Variants in TMEM245 observed in about 807,000 individuals in gnomAD.
The protein encoded by TMEM245 is transmembrane protein 245.
In TMEM245, 69 loss-of-function variants were observed where a neutral mutation model predicts 101.2. The observed-to-expected ratio is 0.68, with a 90% confidence interval of 0.56 to 0.83. The LOEUF is 0.83. TMEM245 is among the 40% of genes least tolerant of loss of function. The pLI is 0.00. For missense variants in TMEM245, 1,075 were observed against 1,092.8 expected (o/e 0.98, Z 0.23); for synonymous variants, 537 against 449.8 (o/e 1.19, Z -2.45).
intron 4 of TMEM245, among the ~76,000 whole-genome samples, chr9:109,092,719 G>A (rs1830040091): frequency 6.6e-6 from 1 of 152,156 alleles, no homozygotes; most frequent in African/African-American, 2.4e-5. Flanking sequence ...AAATACCTCT[G>A]GCACTAATGG....
At chr9:109,049,504 G>A (rs751928805) in intron 14 of TMEM245, among the ~76,000 whole-genome samples, 7 of 151,402 alleles carry the variant, frequency 4.6e-5, no homozygotes, top group East Asian at 2.0e-4. Flanking sequence ...GTGAGCCACC[G>A]CGCCCAGTCT....
At position 109,087,245 on chromosome 9, in the gene TMEM245, C is replaced by A; in HGVS notation, c.1248G>T (p.Lys416Asn). 1 of 1,613,948 alleles carries A rather than the reference C, an allele frequency of 6.2e-7. No homozygotes were observed. Among genetic ancestry groups the A allele is most frequent in the Non-Finnish European group, 8.5e-7 (1 of 1,179,926 alleles). ...VWWGIIESFL[K>N]ERQGALAPWP... ...AAGGCGCGAGAGCTCCCTGCCGCTC[C>A]TTCAGGAAGCTTTCTATAATGCCCC... The change falls in exon 6 of 18, where the codon AAG (lysine) becomes AAT (asparagine). Residue 416 changes from lysine (K) to asparagine (N), a missense_variant. Lys to Asn is a moderately conservative substitution (Grantham distance 94). Coordinates refer to ENST00000374586, the MANE Select transcript of TMEM245 (RefSeq NM_032012.4).
At chr9:109,080,202 T>C (rs1829627280) in intron 8 of TMEM245, among the ~76,000 whole-genome samples, 1 of 152,090 alleles carries the variant, frequency 6.6e-6, no homozygotes, top group South Asian at 2.1e-4. Flanking sequence ...AAATCTGGGT[T>C]GTGGAGTTCA....
intron 14 of TMEM245, among the ~76,000 whole-genome samples, chr9:109,041,518 C>A (rs1828307755): frequency 8.2e-6 from 1 of 122,340 alleles, no homozygotes; most frequent in Admixed American, 1.1e-4. Context: ...GGCTGGAGTG[C>A]AATGGTGCAA....
At chr9:109,087,481 G>C in intron 5 of TMEM245, 139 bp from the exon 6 acceptor site, 3 of 907,318 alleles carry the variant, frequency 3.3e-6, no homozygotes, top group Non-Finnish European at 4.7e-6. Context: ...AAAAAGCAGG[G>C]TGGGACTCAA....
chr9:109,077,249 C>T (rs1282424787), intron 8 of TMEM245, among the ~76,000 whole-genome samples: 2 of 152,078 alleles, frequency 1.3e-5, no homozygotes, highest in African/African-American at 4.8e-5. Context: ...CTCCCGGGAT[C>T]AAGCAATCCT....
intron 10 of TMEM245, 98 bp downstream of exon 10, chr9:109,064,379 T>C (rs1286348498): frequency 1.9e-6 from 2 of 1,052,828 alleles, no homozygotes; most frequent in Admixed American, 2.2e-5. Context: ...TATTTACTGC[T>C]GTGAATAGCA....
chr9:109,022,533 A>C (rs966777563), intron 17 of TMEM245, among the ~76,000 whole-genome samples: 1 of 149,010 alleles, frequency 6.7e-6, no homozygotes, highest in Admixed American at 6.8e-5. Flanking sequence ...TCAATCTTGA[A>C]ATTTTTCTGC....
intron 3 of TMEM245, among the ~76,000 whole-genome samples, chr9:109,100,783 TTC>T (rs576395335): frequency 1.2e-3 from 186 of 152,350 alleles, no homozygotes; most frequent in Middle Eastern, 3.4e-3. Flanking sequence ...TTTGTTTGAG[TTC>T]TGTTTTGTTT....
intron 14 of TMEM245, among the ~76,000 whole-genome samples, chr9:109,044,469 C>T (rs981363718): frequency 6.6e-6 from 1 of 152,146 alleles, no homozygotes; most frequent in Non-Finnish European, 1.5e-5. Context: ...GCCTCCTCCA[C>T]ATTTCCTTAC....
rs1208126994 is a variant in TMEM245, at chr9:109,033,292, T to C, written c.2594+15A>G. On this transcript the variant is annotated intron_variant, in intron 17 of 17. Coordinates refer to ENST00000374586, the MANE Select transcript of TMEM245 (RefSeq NM_032012.4). Reference sequence around the variant, plus strand: ...ATGTATAAATACAGCTTATGATTATTCTGCTTTAACTCACCGCTGAGGCTG... The same window carrying C: ...ATGTATAAATACAGCTTATGATTATCCTGCTTTAACTCACCGCTGAGGCTG... The C allele has an allele frequency of 2.5e-6, 4 of 1,580,398 alleles. No homozygotes were observed. Among genetic ancestry groups the C allele is most frequent in the South Asian group, 2.4e-5 (2 of 84,682 alleles).
At chr9:109,029,670 T>A (rs1342084517) in intron 17 of TMEM245, among the ~76,000 whole-genome samples, 1 of 152,094 alleles carries the variant, frequency 6.6e-6, no homozygotes, top group African/African-American at 2.4e-5. Context: ...GAAAGAAAAT[T>A]ATATAGGGTA....
intron 17 of TMEM245, among the ~76,000 whole-genome samples, chr9:109,023,119 A>C (rs1827680878): frequency 6.6e-6 from 1 of 152,200 alleles, no homozygotes; most frequent in South Asian, 2.1e-4. Context: ...AAACAAAACA[A>C]AGAAAACCAA....
chr9:109,086,196 T>C (rs1375596436), intron 6 of TMEM245, among the ~76,000 whole-genome samples, 176 bp from the exon 7 acceptor site: 1 of 152,184 alleles, frequency 6.6e-6, no homozygotes, highest in African/African-American at 2.4e-5. Context: ...CAACGGAATG[T>C]AGTATTCCTT....
At position 109,119,674 on chromosome 9, in the gene TMEM245, G is replaced by A; in HGVS notation, c.240C>T (p.Phe80=). Residue 80 remains phenylalanine, a synonymous_variant, in exon 1 of 18, where the codon TTC becomes TTT. Transcript: ENST00000374586. ...GCACGGCCCAGAGCAGCGGCCGCAG[G>A]AAGGCCTCCAGGATGAAGTAGACCA... ...AVLVYFILEA[F]LRPLLWAVLC... is the part of the protein sequence containing the mutation. The A allele has an allele frequency of 2.6e-6, 4 of 1,556,782 alleles. No individual in the cohort carries two copies. The highest frequency in any genetic ancestry group is 2.6e-6 in the Non-Finnish European group (3 of 1,153,164).
chr9:109,115,522 CTTTTTTTTTTT>C (rs752894720), intron 1 of TMEM245, among the ~76,000 whole-genome samples: 6 of 67,194 alleles, frequency 8.9e-5, no homozygotes, highest in Non-Finnish European at 1.3e-4. Flanking sequence ...TAACTGGAAT[CTTTTTTTTTTT>C]TTTTTTTTTT....
At chr9:109,110,016 C>T (rs1215703887) in intron 1 of TMEM245, among the ~76,000 whole-genome samples, 1 of 152,000 alleles carries the variant, frequency 6.6e-6, no homozygotes. Flanking sequence ...AGCACTAATT[C>T]TTTTATAATA....
At chr9:109,054,985 T>A (rs552142454) in intron 12 of TMEM245, among the ~76,000 whole-genome samples, 12 of 152,340 alleles carry the variant, frequency 7.9e-5, no homozygotes, top group African/African-American at 2.9e-4. Context: ...AATATTTAAA[T>A]GTGTTTAGGG....
chr9:109,107,312 T>C (rs369994556), intron 2 of TMEM245, among the ~76,000 whole-genome samples: 14 of 151,232 alleles, frequency 9.3e-5, no homozygotes, highest in African/African-American at 2.9e-4. Context: ...GACAGGAGAA[T>C]TGCTTGAACC....
Sources: gnomAD v4.1 joint callset for allele counts (sites outside exome capture counted in the v4.1 genomes callset) on GRCh38, gnomAD v4.1.1 for gene constraint, MANE v1.5 for transcripts, NCBI Gene and HGNC (gene_info 2026-07-23, HGNC 2026-07-21) for gene names.